Variants in MNAT1 observed in about 807,000 individuals in gnomAD.
MNAT1 encodes the protein CDK-activating kinase assembly factor MAT1.
MNAT1 carries 43 observed loss-of-function variants against 42.0 expected under a neutral mutation model. The ratio of observed to expected loss-of-function variants is 1.02; its 90% confidence interval spans 0.80 to 1.32. The LOEUF is 1.32. MNAT1 is among the 40% of genes most tolerant of loss of function. MNAT1 has a pLI of 0.00. For synonymous variants in MNAT1, 118 were observed against 120.0 expected, an observed-to-expected ratio of 0.98 and a Z score of 0.11; for missense variants, 306 against 350.4, an observed-to-expected ratio of 0.87 and a Z score of 1.01.
At chr14:60,922,837 G>A (rs1221696224) in intron 7 of MNAT1, among the ~76,000 whole-genome samples, 1 of 152,106 alleles carries the variant, frequency 6.6e-6, no homozygotes, top group Non-Finnish European at 1.5e-5. Context: ...GAGATTTTGT[G>A]TCAGTCTTGG....
chr14:60,940,626 C>T (rs1372947069), intron 7 of MNAT1, among the ~76,000 whole-genome samples: 1 of 152,100 alleles, frequency 6.6e-6, no homozygotes, highest in Admixed American at 6.5e-5. Context: ...ACTGTGTTAG[C>T]CTGGATGGTC....
chr14:60,913,993 G>C (rs2035451932), intron 7 of MNAT1, among the ~76,000 whole-genome samples: 1 of 152,212 alleles, frequency 6.6e-6, no homozygotes, highest in African/African-American at 2.4e-5. Flanking sequence ...CTTCCTGGCT[G>C]CTTTGTTTAC....
At chr14:60,745,351 C>G (rs895838120) in intron 1 of MNAT1, among the ~76,000 whole-genome samples, 1 of 152,162 alleles carries the variant, frequency 6.6e-6, no homozygotes, top group Non-Finnish European at 1.5e-5. Flanking sequence ...AAAAGCTGGC[C>G]TTACTGTTGT....
intron 1 of MNAT1, among the ~76,000 whole-genome samples, chr14:60,773,948 A>G (rs2140309166): frequency 6.6e-6 from 1 of 152,376 alleles, no homozygotes; most frequent in African/African-American, 2.4e-5. Context: ...TGTAGTTTCC[A>G]GATTTCTAGT....
chr14:60,795,568 C>A (rs952453784), intron 1 of MNAT1, among the ~76,000 whole-genome samples: 1 of 152,102 alleles, frequency 6.6e-6, no homozygotes, highest in Non-Finnish European at 1.5e-5. Flanking sequence ...TTTGGGGCAA[C>A]GAACTTTAAC....
At chr14:60,958,598 T>C (rs573234600) in intron 7 of MNAT1, among the ~76,000 whole-genome samples, 3 of 63,168 alleles carry the variant, frequency 4.7e-5, no homozygotes, top group Admixed American at 1.6e-4. Context: ...TCTTTCTCTT[T>C]CTCTTTCTTT....
At chr14:60,914,784 A>T (rs2035475582) in intron 7 of MNAT1, among the ~76,000 whole-genome samples, 2 of 152,346 alleles carry the variant, frequency 1.3e-5, no homozygotes, top group South Asian at 2.1e-4. Context: ...AGTGGTCAAG[A>T]TAGGTCCTAT....
intron 6 of MNAT1, among the ~76,000 whole-genome samples, chr14:60,836,395 G>A (rs2033390429): frequency 6.6e-6 from 1 of 152,188 alleles, no homozygotes; most frequent in South Asian, 2.1e-4. Context: ...GGTCTTTGAC[G>A]TTGGTGACCT....
chr14:60,823,488 T>C (rs1256669211), intron 6 of MNAT1, among the ~76,000 whole-genome samples: 1 of 152,206 alleles, frequency 6.6e-6, no homozygotes, highest in African/African-American at 2.4e-5. Flanking sequence ...CTGAATGTCT[T>C]TCTCTGAGTG....
intron 7 of MNAT1, among the ~76,000 whole-genome samples, chr14:60,927,361 T>C (rs909948557): frequency 2.0e-5 from 3 of 152,208 alleles, no homozygotes; most frequent in African/African-American, 7.2e-5. Context: ...AAAACTTTAT[T>C]GAAGTAAAAT....
Position 60,846,197 on chromosome 14 carries a change from A to G in MNAT1, c.687+27350A>G, listed in dbSNP as rs570078575. 3.0e-4 allele frequency among the ~76,000 whole-genome samples: 41 copies of G among 137,774 alleles called. 2 individuals carry two copies. In the South Asian group the frequency reaches 9.0e-3, roughly 30 times the overall value. 90.4% of individuals were successfully genotyped at this position (137,774 alleles called of 152,430 possible). A position where few individuals can be genotyped will look rare whatever the true frequency, so the allele number is the denominator to read the frequency against. On this transcript the variant is annotated intron_variant, in intron 6 of 7. Transcript: ENST00000261245. ...TCTTTTTCCTTCATTCCTTGTCTTG[A>G]TATTTTGAGTATTCCTAGAAATTGG...
At chr14:60,961,068 T>C (rs556764360) in intron 7 of MNAT1, among the ~76,000 whole-genome samples, 17 of 152,296 alleles carry the variant, frequency 1.1e-4, no homozygotes, top group African/African-American at 3.4e-4. Context: ...GTTCAAGTGA[T>C]TCTCCTGCCT....
chr14:60,849,431 G>T (rs1164849431), intron 6 of MNAT1, among the ~76,000 whole-genome samples: 1 of 152,142 alleles, frequency 6.6e-6, no homozygotes, highest in Non-Finnish European at 1.5e-5. Flanking sequence ...TTGAGTTATA[G>T]TCTGCTCTAA....
At chr14:60,744,609 T>C (rs1896561580) in intron 1 of MNAT1, among the ~76,000 whole-genome samples, 1 of 152,256 alleles carries the variant, frequency 6.6e-6, no homozygotes, top group Non-Finnish European at 1.5e-5. Flanking sequence ...GTTCAGTTAC[T>C]GGCAGATAAC....
chr14:60,816,961 G>A (rs1367952210), intron 5 of MNAT1, among the ~76,000 whole-genome samples: 8 of 151,898 alleles, frequency 5.3e-5, no homozygotes, highest in Admixed American at 3.9e-4. Flanking sequence ...GTGAAACCAG[G>A]ATTAAAACAA....
At chr14:60,779,271 A>G (rs1188572039) in intron 1 of MNAT1, among the ~76,000 whole-genome samples, 1 of 152,174 alleles carries the variant, frequency 6.6e-6, no homozygotes, top group African/African-American at 2.4e-5. Flanking sequence ...GCCATTGCCT[A>G]AAAAGGGCAT....
intron 1 of MNAT1, among the ~76,000 whole-genome samples, chr14:60,750,231 CT>C (rs1186389806): frequency 1.3e-3 from 189 of 144,336 alleles, no homozygotes; most frequent in Middle Eastern, 7.2e-3. Flanking sequence ...TTCTTTCTTT[CT>C]TTTTTTTTTT....
intron 7 of MNAT1, among the ~76,000 whole-genome samples, chr14:60,944,598 T>C (rs2036237351): frequency 6.6e-6 from 1 of 152,162 alleles, no homozygotes; most frequent in Non-Finnish European, 1.5e-5. Flanking sequence ...AGCTTTAGAA[T>C]CAAACATTTA....
At chr14:60,788,789 T>A (rs2031730577) in intron 1 of MNAT1, among the ~76,000 whole-genome samples, 1 of 152,188 alleles carries the variant, frequency 6.6e-6, no homozygotes, top group Non-Finnish European at 1.5e-5. Context: ...TCAACCTTTA[T>A]AGGATTGAAG....
Sources: allele counts gnomAD v4.1 joint callset (sites outside exome capture counted in the v4.1 genomes callset), GRCh38; gene constraint gnomAD v4.1.1; transcripts MANE v1.5; gene names NCBI Gene and HGNC (gene_info 2026-07-23, HGNC 2026-07-21).